Variants in MAML2 observed in about 807,000 individuals in gnomAD.
The protein encoded by MAML2 is mastermind like transcriptional coactivator 2, also known as mastermind-like protein 2.
A neutral mutation model predicts 96.1 loss-of-function variants in MAML2; 22 were observed. The ratio of observed to expected loss-of-function variants is 0.23; its 90% CI spans 0.16 to 0.33. The LOEUF (loss-of-function observed/expected upper bound fraction) is 0.33. Among genes scored for constraint, MAML2 ranks in the 10% least tolerant of loss-of-function variants. The probability of loss-of-function intolerance (pLI) is 1.00; values close to 1 mark genes in which losing one functional copy is unlikely to be tolerated. For missense variants in MAML2, 1,367 were observed against 1,392.4 expected (o/e 0.98, Z 0.29); for synonymous variants, 561 against 521.3 (o/e 1.08, Z -1.04).
intron 1 of MAML2, among the ~76,000 whole-genome samples, chr11:96,121,943 C>A (rs1265175132): frequency 2.2e-5 from 3 of 136,466 alleles, no homozygotes; most frequent in African/African-American, 5.7e-5. Flanking sequence ...CCCGCCACCA[C>A]GCCCGGCTTT....
intron 1 of MAML2, among the ~76,000 whole-genome samples, chr11:96,159,535 C>G (rs994488174): frequency 6.6e-6 from 1 of 151,612 alleles, no homozygotes; most frequent in Non-Finnish European, 1.5e-5. Context: ...ACGCCACTCT[C>G]CCGCCTCAGC....
At chr11:95,997,662 A>G (rs186239824) in intron 2 of MAML2, among the ~76,000 whole-genome samples, 2 of 152,156 alleles carry the variant, frequency 1.3e-5, no homozygotes, top group African/African-American at 4.8e-5. Flanking sequence ...GCTTAGTGGG[A>G]TACACATCTT....
chr11:96,149,285 C>A lies in MAML2; in HGVS notation c.514-55768G>T, dbSNP rs533881367. Among the ~76,000 whole-genome samples the A allele has an allele frequency of 9.2e-5, 14 of 151,756 alleles. No homozygotes were observed. In the East Asian group the frequency reaches 2.7e-3, roughly 30 times the overall value. ...AAAGAAAGTTAGCTGGGCATGGTAG[C>A]ATACGCCTGTAATCTCAGCTACTCA... is the stretch of plus-strand genomic sequence containing the variant. On this transcript the variant is annotated intron_variant, in intron 1 of 4. Coordinates refer to ENST00000524717, the MANE Select transcript of MAML2 (RefSeq NM_032427.4).
chr11:96,299,386 G>A (rs552907198), intron 1 of MAML2, among the ~76,000 whole-genome samples: 1 of 151,734 alleles, frequency 6.6e-6, no homozygotes, highest in African/African-American at 2.4e-5. Flanking sequence ...ATTAATCCAG[G>A]ACTGAGAGGT....
chr11:96,292,167 C>G (rs577779317), intron 1 of MAML2, among the ~76,000 whole-genome samples: 1 of 152,180 alleles, frequency 6.6e-6, no homozygotes, highest in African/African-American at 2.4e-5. Context: ...TAGTTCCTCC[C>G]TCTTCTAGTA....
intron 2 of MAML2, among the ~76,000 whole-genome samples, chr11:96,023,951 A>G (rs189355693): frequency 6.6e-6 from 1 of 152,364 alleles, no homozygotes; most frequent in Non-Finnish European, 1.5e-5. Flanking sequence ...CTCCTGCAGT[A>G]AAGTGACAGA....
chr11:96,093,989 CTT>C (rs11361832), intron 1 of MAML2, among the ~76,000 whole-genome samples: 6 of 151,276 alleles, frequency 4.0e-5, no homozygotes, highest in African/African-American at 1.2e-4. Context: ...TCTCTAGTTT[CTT>C]TTTTTTTTCA....
intron 1 of MAML2, among the ~76,000 whole-genome samples, chr11:96,218,544 A>G (rs977289498): frequency 6.6e-6 from 1 of 152,224 alleles, no homozygotes; most frequent in Non-Finnish European, 1.5e-5. Context: ...TATTATTTCC[A>G]CAAAATTACT....
intron 1 of MAML2, among the ~76,000 whole-genome samples, chr11:96,170,424 A>T (rs1861269440): frequency 6.6e-6 from 1 of 152,196 alleles, no homozygotes; most frequent in African/African-American, 2.4e-5. Flanking sequence ...AAGCACAGAA[A>T]ATTGGCCTCT....
chr11:96,202,903 C>T (rs1332960884), intron 1 of MAML2, among the ~76,000 whole-genome samples: 1 of 152,170 alleles, frequency 6.6e-6, no homozygotes, highest in Non-Finnish European at 1.5e-5. Flanking sequence ...GCTCAGATTA[C>T]AGGTATGAGC....
intron 1 of MAML2, among the ~76,000 whole-genome samples, chr11:96,203,635 CA>C (rs1156593514): frequency 6.6e-6 from 1 of 152,178 alleles, no homozygotes; most frequent in Admixed American, 6.5e-5. Context: ...TCGCAAGTCA[CA>C]GAGAAATACA....
chr11:96,283,023 A>G (rs2135987039), intron 1 of MAML2, among the ~76,000 whole-genome samples: 1 of 152,374 alleles, frequency 6.6e-6, no homozygotes, highest in African/African-American at 2.4e-5. Context: ...CTTATATGAT[A>G]TAATTGTTTC....
intron 1 of MAML2, among the ~76,000 whole-genome samples, chr11:96,238,813 T>C (rs914870730): frequency 6.6e-6 from 1 of 152,200 alleles, no homozygotes; most frequent in African/African-American, 2.4e-5. Flanking sequence ...GAAATATAGT[T>C]GATGGAAGCT....
intron 1 of MAML2, among the ~76,000 whole-genome samples, chr11:96,225,846 T>C (rs1862203444): frequency 6.7e-6 from 1 of 149,620 alleles, no homozygotes; most frequent in African/African-American, 2.4e-5. Context: ...AAAAAAAAAT[T>C]AGATAACCAA....
intron 1 of MAML2, among the ~76,000 whole-genome samples, chr11:96,274,209 G>A (rs11021513): frequency 0.16 from 24,496 of 150,402 alleles, 2,354 homozygotes; most frequent in Admixed American, 0.25. Context: ...GAGCCTTTCT[G>A]CTAGCTGGGA....
At chr11:96,177,915 GTT>G (rs1861411741) in intron 1 of MAML2, among the ~76,000 whole-genome samples, 1 of 83,734 alleles carries the variant, frequency 1.2e-5, no homozygotes. Flanking sequence ...GGAGACCTTA[GTT>G]GTGTGTGTGT....
intron 1 of MAML2, among the ~76,000 whole-genome samples, chr11:96,125,813 C>T (rs1047739164): frequency 3.9e-5 from 6 of 152,116 alleles, no homozygotes; most frequent in Admixed American, 6.5e-5. Flanking sequence ...TTAGACCCAG[C>T]AATAATATGA....
Position 96,092,198 on chromosome 11 carries a change from CTGCTGCTGCTGT to C in MAML2, c.1821_1832del (p.Gln618_Gln621del), listed in dbSNP as rs1859725703. The stretch of plus-strand genomic sequence containing the variant: ...GTTGCTGTTGCTGTTGCTGTTGCTG[CTGCTGCTGCTGT>C]TGCTGCTGCTGCTGCTGCTGCTGCT... On this transcript the variant is annotated inframe_deletion, in exon 2 of 5. Transcript: ENST00000524717. The surrounding 1 kb of genome is among the most constrained non-coding windows in gnomAD (Gnocchi z 4.1). 6.6e-7 allele frequency: 1 copy of C among 1,525,584 alleles called. No individual in the cohort carries two copies. The highest frequency in any genetic ancestry group is 8.8e-7 in the Non-Finnish European group (1 of 1,137,982). 94.5% of individuals were successfully genotyped at this position (1,525,584 alleles called of 1,614,324 possible).
At chr11:95,997,309 C>T (rs759616288) in intron 2 of MAML2, among the ~76,000 whole-genome samples, 7 of 152,028 alleles carry the variant, frequency 4.6e-5, no homozygotes, top group Non-Finnish European at 8.8e-5. Context: ...TGTGTGTGTG[C>T]ATGCGCATTT....
Sources: allele counts gnomAD v4.1 joint callset (sites outside exome capture counted in the v4.1 genomes callset), GRCh38; gene constraint gnomAD v4.1.1; non-coding constraint Gnocchi (gnomAD v3.1); transcripts MANE v1.5; gene names NCBI Gene and HGNC (gene_info 2026-07-23, HGNC 2026-07-21).